Variants in VEGFC observed in about 807,000 individuals in gnomAD.
The protein encoded by VEGFC is vascular endothelial growth factor C, also known as FLT4 ligand DHM.
A neutral mutation model predicts 46.1 loss-of-function variants in VEGFC; 12 were observed. That is an observed-to-expected ratio of 0.26 (90% CI 0.17 to 0.42). The LOEUF (loss-of-function observed/expected upper bound fraction) is 0.42, where lower values mean the gene tolerates loss of function less well. Among genes scored for constraint, VEGFC ranks in the 10% least tolerant of loss-of-function variants. The pLI, the probability that VEGFC is intolerant of heterozygous loss-of-function variation, is 1.00. For missense variants in VEGFC, 488 were observed against 529.4 expected (o/e 0.92, Z 0.77); for synonymous variants, 232 against 195.5 (o/e 1.19, Z -1.56).
intron 1 of VEGFC, among the ~76,000 whole-genome samples, chr4:176,779,917 G>A (rs1735879784): frequency 6.6e-6 from 1 of 152,174 alleles, no homozygotes; most frequent in East Asian, 1.9e-4. Context: ...GTGCTATTAA[G>A]TTGGAGTGAA....
At chr4:176,743,637 T>C (rs899490876) in intron 1 of VEGFC, among the ~76,000 whole-genome samples, 22 of 151,014 alleles carry the variant, frequency 1.5e-4, no homozygotes, top group African/African-American at 5.1e-4. Context: ...TAGATATATA[T>C]GTCTGATGCT....
intron 1 of VEGFC, among the ~76,000 whole-genome samples, chr4:176,769,847 G>A (rs11934962): frequency 0.02 from 2,979 of 152,198 alleles, 99 homozygotes; most frequent in African/African-American, 0.068. Flanking sequence ...GTTCTGATTT[G>A]GCAGTTTATG....
At chr4:176,713,746 T>G (rs970872397) in intron 3 of VEGFC, among the ~76,000 whole-genome samples, 1 of 151,992 alleles carries the variant, frequency 6.6e-6, no homozygotes, top group Non-Finnish European at 1.5e-5. Flanking sequence ...ATCTATGAGG[T>G]GGGAAGAGGC....
intron 4 of VEGFC, among the ~76,000 whole-genome samples, chr4:176,710,629 G>T (rs1734605918): frequency 6.6e-6 from 1 of 152,054 alleles, no homozygotes; most frequent in African/African-American, 2.4e-5. Flanking sequence ...TATGTATTTT[G>T]ATCAATTTAT....
chr4:176,784,412 C>G (rs1342004509), intron 1 of VEGFC, among the ~76,000 whole-genome samples: 2 of 151,580 alleles, frequency 1.3e-5, no homozygotes, highest in African/African-American at 4.8e-5. Flanking sequence ...ATTAAGCAGG[C>G]ATTAATTATA....
intron 3 of VEGFC, among the ~76,000 whole-genome samples, chr4:176,720,776 G>A (rs1254959009): frequency 1.4e-5 from 2 of 147,782 alleles, no homozygotes; most frequent in African/African-American, 2.5e-5. Context: ...AGGAGGCAGA[G>A]GTCACAGTGA....
chr4:176,705,688 A>G (rs1003220886), intron 4 of VEGFC, among the ~76,000 whole-genome samples: 5 of 152,168 alleles, frequency 3.3e-5, no homozygotes, highest in Non-Finnish European at 5.9e-5. Flanking sequence ...CTGTGCTAAT[A>G]TTTAACATGG....
chr4:176,711,225 G>C (rs1254376626), intron 4 of VEGFC, among the ~76,000 whole-genome samples: 1 of 152,070 alleles, frequency 6.6e-6, no homozygotes, highest in East Asian at 1.9e-4. Flanking sequence ...CTACCTTACT[G>C]ATATTTTATG....
chr4:176,761,386 G>A (rs1735527857), intron 1 of VEGFC, among the ~76,000 whole-genome samples: 1 of 152,144 alleles, frequency 6.6e-6, no homozygotes, highest in Admixed American at 6.5e-5. Flanking sequence ...CAAGTTTTCT[G>A]AGGAGTAAAT....
intron 1 of VEGFC, among the ~76,000 whole-genome samples, chr4:176,742,108 C>T (rs919485691): frequency 3.9e-5 from 6 of 151,914 alleles, no homozygotes; most frequent in Admixed American, 3.3e-4. Flanking sequence ...ATTTTGGAGT[C>T]CCCAGTGTCT....
At chr4:176,704,426 A>G (rs1734487580) in intron 4 of VEGFC, among the ~76,000 whole-genome samples, 1 of 152,122 alleles carries the variant, frequency 6.6e-6, no homozygotes, top group Non-Finnish European at 1.5e-5. Flanking sequence ...AGTTCCTACT[A>G]TGAACAGGTG....
chr4:176,768,532 CTAT>C (rs1229838188), intron 1 of VEGFC, among the ~76,000 whole-genome samples: 1 of 78,414 alleles, frequency 1.3e-5, no homozygotes, highest in African/African-American at 3.5e-5. Context: ...TTTCTGAGTA[CTAT>C]GATATTTCGA....
At chr4:176,707,279 C>T (rs1278377207) in intron 4 of VEGFC, among the ~76,000 whole-genome samples, 3 of 152,132 alleles carry the variant, frequency 2.0e-5, no homozygotes, top group Admixed American at 6.6e-5. Context: ...TTTTAATGCC[C>T]ATTGGTGACA....
chr4:176,763,072 T>A (rs1490395602), intron 1 of VEGFC, among the ~76,000 whole-genome samples: 1 of 152,190 alleles, frequency 6.6e-6, no homozygotes, highest in African/African-American at 2.4e-5. Flanking sequence ...AAAGCTCTCA[T>A]CCTAGTTGTG....
At chr4:176,718,951 T>A (rs1044481198) in intron 3 of VEGFC, among the ~76,000 whole-genome samples, 18 of 152,232 alleles carry the variant, frequency 1.2e-4, no homozygotes, top group Non-Finnish European at 2.4e-4. Context: ...TAAGAAAATA[T>A]ACTCAAAGTG....
chr4:176,764,029 C>T (rs1735575320), intron 1 of VEGFC, among the ~76,000 whole-genome samples: 1 of 152,178 alleles, frequency 6.6e-6, no homozygotes, highest in Non-Finnish European at 1.5e-5. Flanking sequence ...ACTTCCACTT[C>T]TGACCATGAT....
chr4:176,715,310 A>C (rs921399278), intron 3 of VEGFC, among the ~76,000 whole-genome samples: 1 of 152,154 alleles, frequency 6.6e-6, no homozygotes, highest in Admixed American at 6.5e-5. Context: ...TCTATCCCTA[A>C]ATTTTGACCT....
intron 1 of VEGFC, among the ~76,000 whole-genome samples, chr4:176,779,377 T>G (rs1735868972): frequency 6.6e-6 from 1 of 152,182 alleles, no homozygotes. Context: ...AAAAGTAGTT[T>G]GAAGTAAGAA....
At chr4:176,698,036 A>C (rs1734355085) in intron 4 of VEGFC, among the ~76,000 whole-genome samples, 1 of 152,092 alleles carries the variant, frequency 6.6e-6, no homozygotes, top group Non-Finnish European at 1.5e-5. Context: ...CTAATGGTAG[A>C]TGACAAGTTA....
Sources: gnomAD v4.1 joint callset for allele counts (sites outside exome capture counted in the v4.1 genomes callset) on GRCh38, gnomAD v4.1.1 for gene constraint, MANE v1.5 for transcripts, NCBI Gene and HGNC (gene_info 2026-07-23, HGNC 2026-07-21) for gene names.